The following ADARB2 variants were observed in gnomAD, a reference collection of about 807,000 sequenced individuals.
ADARB2 encodes inactive double-stranded RNA-specific editase B2.
Under a neutral mutation model 62.2 loss-of-function variants are expected in ADARB2, and 25 were observed. That is an observed-to-expected ratio of 0.40 (90% confidence interval 0.29 to 0.56). The LOEUF (loss-of-function observed/expected upper bound fraction) is 0.56, where lower values mean the gene tolerates loss of function less well. ADARB2 is among the 20% of genes least tolerant of loss of function. The pLI is 0.43. For missense variants in ADARB2, 1,071 were observed against 1,077.4 expected, an observed-to-expected ratio of 0.99 and a Z score of 0.08; for synonymous variants, 572 against 500.8, an observed-to-expected ratio of 1.14 and a Z score of -1.90.
At chr10:1,227,750 A>G (rs1171693765) in intron 6 of ADARB2, among the ~76,000 whole-genome samples, 1 of 152,198 alleles carries the variant, frequency 6.6e-6, no homozygotes, top group Non-Finnish European at 1.5e-5. Context: ...AATGAAACAA[A>G]CCACAGGCAT....
At chr10:1,232,982 C>G (rs1247465004) in intron 6 of ADARB2, among the ~76,000 whole-genome samples, 2 of 151,948 alleles carry the variant, frequency 1.3e-5, no homozygotes, top group African/African-American at 4.8e-5. Flanking sequence ...GCAGATAGCA[C>G]TAAGCAATAG....
intron 1 of ADARB2, among the ~76,000 whole-genome samples, chr10:1,686,744 GAAT>G (rs1351438698): frequency 6.6e-6 from 1 of 152,098 alleles, no homozygotes; most frequent in Non-Finnish European, 1.5e-5. Context: ...GTGGGCACAA[GAAT>G]AATATGATAT....
At chr10:1,257,157 A>T (rs1194006370) in intron 4 of ADARB2, among the ~76,000 whole-genome samples, 1 of 152,098 alleles carries the variant, frequency 6.6e-6, no homozygotes, top group Non-Finnish European at 1.5e-5. Flanking sequence ...AATACTTTCT[A>T]TTCTTTTCTT....
chr10:1,640,345 T>C lies in ADARB2; in HGVS notation c.100+96706A>G, dbSNP rs374830202. On this transcript the variant is annotated intron_variant, in intron 1 of 9. Transcript: ENST00000381312. ...AGGGAGGGGTAGATATCATGGTTCCTGTCCAGTATGAGAATCACTAGTGTT... is the reference window on the plus strand; with the variant it reads ...AGGGAGGGGTAGATATCATGGTTCCCGTCCAGTATGAGAATCACTAGTGTT... 2.6e-5 allele frequency among the ~76,000 whole-genome samples: 4 copies of C among 152,236 alleles called. No homozygotes were observed. The East Asian group carries it at 7.7e-4, about 29-fold the overall frequency.
intron 1 of ADARB2, among the ~76,000 whole-genome samples, chr10:1,510,674 C>A (rs148447334): frequency 1.1e-3 from 169 of 152,250 alleles, no homozygotes; most frequent in African/African-American, 4.0e-3. Context: ...ACCTTAGAGT[C>A]CTTTGTGATT....
At chr10:1,580,909 G>C (rs1038647815) in intron 1 of ADARB2, among the ~76,000 whole-genome samples, 1 of 152,194 alleles carries the variant, frequency 6.6e-6, no homozygotes, top group African/African-American at 2.4e-5. Context: ...TGGCTTGATC[G>C]CTCATTTCTC....
intron 3 of ADARB2, among the ~76,000 whole-genome samples, chr10:1,321,624 ATCCTC>A (rs1019497794): frequency 1.3e-5 from 2 of 152,134 alleles, no homozygotes; most frequent in African/African-American, 4.8e-5. Flanking sequence ...GCCTTAAACA[ATCCTC>A]TCATCTCAGC....
intron 1 of ADARB2, among the ~76,000 whole-genome samples, chr10:1,459,837 C>A (rs182256848): frequency 2.0e-5 from 3 of 152,096 alleles, no homozygotes; most frequent in Non-Finnish European, 2.9e-5. Context: ...AGGGTGGAGG[C>A]GGGAGGAGGG....
intron 1 of ADARB2, among the ~76,000 whole-genome samples, chr10:1,700,082 T>C (rs77081618): frequency 0.016 from 29 of 1,838 alleles, no homozygotes; most frequent in East Asian, 0.083. Context: ...CAGGCGCTCG[T>C]CAATACACTC....
At chr10:1,421,843 G>C (rs1013972980) in intron 1 of ADARB2, among the ~76,000 whole-genome samples, 10 of 152,244 alleles carry the variant, frequency 6.6e-5, no homozygotes, top group Non-Finnish European at 2.9e-5. Context: ...CTGAAACAGG[G>C]AGAAGGAAGC....
chr10:1,647,513 G>A (rs764758159), intron 1 of ADARB2, among the ~76,000 whole-genome samples: 3 of 152,084 alleles, frequency 2.0e-5, no homozygotes, highest in Non-Finnish European at 4.4e-5. Flanking sequence ...ATATATGCCT[G>A]CATATATGCA....
At chr10:1,519,669 A>G (rs1832049581) in intron 1 of ADARB2, among the ~76,000 whole-genome samples, 1 of 152,150 alleles carries the variant, frequency 6.6e-6, no homozygotes, top group South Asian at 2.1e-4. Flanking sequence ...TGTGATGCCC[A>G]TATTATCAGA....
Position 1,217,056 on chromosome 10 carries a change from C to T in ADARB2, c.1577G>A (p.Gly526Glu). 1 of 1,610,298 alleles carries T rather than the reference C, an allele frequency of 6.2e-7. No individual in the cohort carries two copies. The highest frequency in any genetic ancestry group is 1.1e-5 in the South Asian group (1 of 90,194). The change falls in exon 7 of 10, where the codon GGG (glycine) becomes GAG (glutamate). Residue 526 changes from glycine to glutamate, a missense_variant. By Grantham distance (98) the Gly-to-Glu change is moderately conservative. Coordinates refer to ENST00000381312, the MANE Select transcript of ADARB2 (RefSeq NM_018702.4). ...GCCACGCACGGGGACCGTCCCTTCC[C>T]CGGACTCGATCTTGGTGCGCAGGTG... is the stretch of plus-strand genomic sequence containing the variant. Reference protein sequence around the residue: ...RGHLRTKIESGEGTVPVRGPS... With the variant: ...RGHLRTKIESEEGTVPVRGPS...
intron 1 of ADARB2, among the ~76,000 whole-genome samples, chr10:1,693,729 G>A (rs1299644128): frequency 6.6e-6 from 1 of 152,146 alleles, no homozygotes; most frequent in East Asian, 1.9e-4. Flanking sequence ...ACCTAAGACT[G>A]TCACTGCAGA....
At chr10:1,293,228 G>GGGGGAGAGGGACAGAGGGAGGGAC (rs1554752375) in intron 3 of ADARB2, among the ~76,000 whole-genome samples, 1 of 108,450 alleles carries the variant, frequency 9.2e-6, no homozygotes, top group Non-Finnish European at 1.9e-5. Context: ...GAGAGGGACG[G>GGGGGAGAGGGACAGAGGGAGGGAC]GGAGGGAGAG....
chr10:1,189,501 C>A (rs75343418), intron 8 of ADARB2, among the ~76,000 whole-genome samples: 1 of 152,048 alleles, frequency 6.6e-6, no homozygotes, highest in Non-Finnish European at 1.5e-5. Flanking sequence ...GAAATGAAAG[C>A]CTGGCTTGTG....
chr10:1,416,724 C>T (rs1299217860), intron 1 of ADARB2, among the ~76,000 whole-genome samples: 3 of 152,264 alleles, frequency 2.0e-5, no homozygotes, highest in African/African-American at 7.2e-5. Flanking sequence ...CAACCAGGTG[C>T]TCCACTCCAG....
In ADARB2 at chr10:1,242,277, C is replaced by A. The variant is rs1288606741; in HGVS notation, c.1215G>T (p.Gln405His). ...MTKGLDARQA[Q>H]VVALSSGTKC... ...TGGTCCCCGAGGACAGGGCCACGAC[C>A]TGCGCCTGCCGAGCATCCAGGCCTG... Residue 405 changes from glutamine (Q) to histidine (H), a missense_variant, in exon 5 of 10, where the codon CAG becomes CAT. By Grantham distance (24) the Gln-to-His change is conservative (BLOSUM62 0). Transcript: ENST00000381312. 3 of 1,567,550 alleles carry A rather than the reference C, an allele frequency of 1.9e-6. No homozygotes were observed. The highest frequency in any genetic ancestry group is 2.3e-5 in the East Asian group (1 of 42,596).
At chr10:1,329,191 A>G (rs10903426) in intron 3 of ADARB2, among the ~76,000 whole-genome samples, 71,280 of 151,984 alleles carry the variant, frequency 0.47, 17,518 homozygotes, top group African/African-American at 0.63. Flanking sequence ...GACAGAGAGC[A>G]TCTCGGCAGC....
Sources: allele counts gnomAD v4.1 joint callset (sites outside exome capture counted in the v4.1 genomes callset), GRCh38; gene constraint gnomAD v4.1.1; transcripts MANE v1.5; gene names NCBI Gene and HGNC (gene_info 2026-07-23, HGNC 2026-07-21).